Variants in SLC24A3 observed in about 807,000 individuals in gnomAD.
The protein encoded by SLC24A3 is solute carrier family 24 member 3, also known as sodium/potassium/calcium exchanger 3.
SLC24A3 carries 28 observed loss-of-function variants against 75.8 expected under a neutral mutation model. That is an observed-to-expected ratio of 0.37 (90% confidence interval 0.27 to 0.51). SLC24A3 has a LOEUF of 0.51. Ranked by LOEUF, SLC24A3 falls within the 20% of genes least tolerant of loss-of-function variation. The probability of loss-of-function intolerance (pLI) is 0.94; values close to 1 mark genes in which losing one functional copy is unlikely to be tolerated. For synonymous variants in SLC24A3, 372 were observed against 334.1 expected (o/e 1.11, Z -1.24); for missense variants, 663 against 847.8 (o/e 0.78, Z 2.71).
At chr20:19,693,575 A>G (rs2032772181) in intron 13 of SLC24A3, 150 bp downstream of exon 13, 1 of 929,088 alleles carries the variant, frequency 1.1e-6, no homozygotes, top group African/African-American at 1.7e-5. Flanking sequence ...AGTAGTTTAG[A>G]ATTGCAGGCA....
intron 3 of SLC24A3, among the ~76,000 whole-genome samples, chr20:19,540,483 C>G (rs879743866): frequency 6.6e-6 from 1 of 152,324 alleles, no homozygotes; most frequent in East Asian, 1.9e-4. Flanking sequence ...GCCTTGGAAA[C>G]GCAAAAGCTG....
chr20:19,568,608 A>G (rs1262712541), intron 3 of SLC24A3, among the ~76,000 whole-genome samples: 2 of 152,172 alleles, frequency 1.3e-5, no homozygotes, highest in Non-Finnish European at 2.9e-5. Context: ...AGGAGAAGGG[A>G]AAATGGGGAG....
In SLC24A3 at chr20:19,422,745, A is replaced by G. The variant is rs552084008; in HGVS notation, c.272-92743A>G. On this transcript the variant is annotated intron_variant, in intron 2 of 16. Transcript: ENST00000328041. ...CTTATAAGAAAGTTCTAAAAGCTTA[A>G]GCAGGAAGCTTCTATTGCAAGAAAG... is the stretch of plus-strand genomic sequence containing the variant. Among the ~76,000 whole-genome samples the G allele has an allele frequency of 3.0e-4, 46 of 152,310 alleles. 1 individual carries two copies. The highest frequency in any genetic ancestry group is 1.7e-3 in the East Asian group (9 of 5,180).
At position 19,722,299 on chromosome 20, in the gene SLC24A3, C is replaced by G. The variant is rs370738319; in HGVS notation, c.*1159C>G. ...GACCACTGGCTCTTGGGCAAACGTCCTTCCTCACGGGGCGCCTCCGCCAAG... is the reference window on the plus strand; with the variant it reads ...GACCACTGGCTCTTGGGCAAACGTCGTTCCTCACGGGGCGCCTCCGCCAAG... On this transcript the variant is annotated 3_prime_UTR_variant, in exon 17 of 17. Coordinates refer to ENST00000328041, the MANE Select transcript of SLC24A3 (RefSeq NM_020689.4). 1.0e-4 allele frequency: 16 copies of G among 152,776 alleles called. No homozygotes were observed. Among genetic ancestry groups the G allele is most frequent in the African/African-American group, 3.6e-4 (15 of 41,468 alleles). The allele number at this position is 152,776 out of a possible 1,614,324, so 9.5% of individuals were successfully genotyped here. A position where few individuals can be genotyped will look rare whatever the true frequency, so the allele number is the denominator to read the frequency against.
intron 4 of SLC24A3, among the ~76,000 whole-genome samples, chr20:19,582,576 C>G (rs923129685): frequency 6.6e-5 from 10 of 152,256 alleles, no homozygotes; most frequent in African/African-American, 2.4e-4. Context: ...CAGGCAGGCC[C>G]TGGTGCTTAC....
chr20:19,548,550 A>G (rs2030641183), intron 3 of SLC24A3, among the ~76,000 whole-genome samples: 1 of 152,222 alleles, frequency 6.6e-6, no homozygotes, highest in African/African-American at 2.4e-5. Flanking sequence ...CAGATGTCAG[A>G]CACAGCATGA....
intron 2 of SLC24A3, among the ~76,000 whole-genome samples, chr20:19,348,050 T>A (rs1985468405): frequency 6.6e-6 from 1 of 152,236 alleles, no homozygotes; most frequent in East Asian, 1.9e-4. Flanking sequence ...GCTAGTGATC[T>A]GTGGCTGGGC....
At chr20:19,653,755 C>G (rs929435908) in intron 6 of SLC24A3, among the ~76,000 whole-genome samples, 1 of 152,228 alleles carries the variant, frequency 6.6e-6, no homozygotes, top group Admixed American at 6.5e-5. Context: ...CCAACCATCC[C>G]TGTCTCCACG....
At chr20:19,562,170 A>AT (rs1283251832) in intron 3 of SLC24A3, among the ~76,000 whole-genome samples, 3 of 152,158 alleles carry the variant, frequency 2.0e-5, no homozygotes, top group African/African-American at 7.2e-5. Context: ...GCATGATTAA[A>AT]TTTTAGCTCT....
At chr20:19,230,179 C>T (rs982942776) in intron 1 of SLC24A3, among the ~76,000 whole-genome samples, 1 of 151,946 alleles carries the variant, frequency 6.6e-6, no homozygotes, top group African/African-American at 2.4e-5. Flanking sequence ...TGCCTGTGAA[C>T]AGACCCTCCT....
chr20:19,585,018 G>A lies in SLC24A3; in HGVS notation c.471G>A (p.Ala157=), dbSNP rs781772786. 3.3e-5 allele frequency: 54 copies of A among 1,613,822 alleles called. No homozygotes were observed. Among genetic ancestry groups the A allele is most frequent in the East Asian group, 4.5e-5 (2 of 44,870 alleles). The change falls in exon 5 of 17, where the codon GCG becomes GCA. Residue 157 remains alanine, a synonymous_variant. Transcript: ENST00000328041. ...EDVAGATFMA[A]GSSAPELFTS... is the part of the protein sequence containing the mutation. Reference sequence around the variant, plus strand: ...TGGCTGGGGCCACATTCATGGCAGCGGGAAGTTCGGCCCCAGAGCTGTTCA... The same window carrying A: ...TGGCTGGGGCCACATTCATGGCAGCAGGAAGTTCGGCCCCAGAGCTGTTCA...
chr20:19,291,316 A>G (rs1462961482), intron 2 of SLC24A3, among the ~76,000 whole-genome samples: 3 of 152,192 alleles, frequency 2.0e-5, no homozygotes, highest in Non-Finnish European at 2.9e-5. Context: ...AGCAGGCTCC[A>G]TGAACAATGG....
intron 1 of SLC24A3, among the ~76,000 whole-genome samples, chr20:19,274,636 A>G (rs1269006137): frequency 2.6e-5 from 4 of 152,150 alleles, no homozygotes; most frequent in Admixed American, 1.3e-4. Flanking sequence ...CCCATGAGAA[A>G]AATCTACCTG....
intron 3 of SLC24A3, among the ~76,000 whole-genome samples, chr20:19,541,799 G>A (rs1168727641): frequency 6.6e-6 from 1 of 152,194 alleles, no homozygotes; most frequent in Non-Finnish European, 1.5e-5. Context: ...GGGGTTGGGC[G>A]GTGTGTGCGG....
At chr20:19,448,215 A>C (rs1335588366) in intron 2 of SLC24A3, among the ~76,000 whole-genome samples, 1 of 152,222 alleles carries the variant, frequency 6.6e-6, no homozygotes, top group Non-Finnish European at 1.5e-5. Context: ...AGCCAGACAC[A>C]GTGCTGGACC....
At chr20:19,522,788 T>G (rs371182934) in intron 3 of SLC24A3, among the ~76,000 whole-genome samples, 2 of 72 alleles carry the variant, frequency 0.028, no homozygotes, top group Non-Finnish European at 0.053. Context: ...CCTGCAGGGT[T>G]TTTTTTTTTT....
At chr20:19,692,812 T>A (rs977943842) in intron 12 of SLC24A3, among the ~76,000 whole-genome samples, 1 of 152,162 alleles carries the variant, frequency 6.6e-6, no homozygotes, top group Non-Finnish European at 1.5e-5. Context: ...TGGCGCTGCG[T>A]CCGCTGACGC....
At chr20:19,500,990 T>C (rs1988375690) in intron 2 of SLC24A3, among the ~76,000 whole-genome samples, 1 of 152,222 alleles carries the variant, frequency 6.6e-6, no homozygotes, top group Non-Finnish European at 1.5e-5. Context: ...CATTATTTTG[T>C]CTTGTAATAA....
intron 2 of SLC24A3, among the ~76,000 whole-genome samples, chr20:19,477,441 G>A (rs75712017): frequency 0.012 from 1,807 of 152,268 alleles, 45 homozygotes; most frequent in African/African-American, 0.042. Context: ...TTGGAGGCAA[G>A]CTAAGTCCAA....
Sources: gnomAD v4.1 joint callset for allele counts (sites outside exome capture counted in the v4.1 genomes callset) on GRCh38, gnomAD v4.1.1 for gene constraint, MANE v1.5 for transcripts, NCBI Gene and HGNC (gene_info 2026-07-23, HGNC 2026-07-21) for gene names.